Variants in MSX1 observed in about 807,000 individuals in gnomAD.
MSX1 encodes msh homeobox 1, also known as homeobox protein MSX-1.
Under a neutral mutation model 17.0 loss-of-function variants are expected in MSX1, and 11 were observed. That is an observed-to-expected ratio of 0.65 (90% CI 0.41 to 1.07). MSX1 has a LOEUF of 1.07. Among genes scored for constraint, MSX1 ranks in the 50% least tolerant of loss-of-function variants. The probability of loss-of-function intolerance (pLI) is 0.00; values close to 1 mark genes in which losing one functional copy is unlikely to be tolerated. For missense variants in MSX1, 477 were observed against 440.1 expected, an observed-to-expected ratio of 1.08 and a Z score of -0.75; for synonymous variants, 253 against 211.8, an observed-to-expected ratio of 1.19 and a Z score of -1.69.
chr4:4,860,410 G>T (rs1560309650), intron 1 of MSX1, 42 bp downstream of exon 1: 1 of 1,411,728 alleles, frequency 7.1e-7, no homozygotes, highest in Non-Finnish European at 9.2e-7. Flanking sequence ...GGGGCCGGGT[G>T]GGGGCCGGGT....
At chr4:4,862,187 T>C (rs1737931468) in intron 1 of MSX1, among the ~76,000 whole-genome samples, 1 of 152,248 alleles carries the variant, frequency 6.6e-6, no homozygotes, top group Admixed American at 6.5e-5. Flanking sequence ...ATTTGGATTC[T>C]ATGCCACAAA....
chr4:4,861,897 AC>A (rs1315531189), intron 1 of MSX1, among the ~76,000 whole-genome samples: 4 of 1,070 alleles, frequency 3.7e-3, no homozygotes, highest in African/African-American at 0.015. Context: ...AACAACATCA[AC>A]ACACACACAC....
Position 4,859,874 on chromosome 4 carries a change from C to T in MSX1, c.-26C>T. 4 of 1,468,416 alleles carry T rather than the reference C, an allele frequency of 2.7e-6. No individual in the cohort carries two copies. Among genetic ancestry groups the T allele is most frequent in the East Asian group, 3.0e-5 (1 of 33,238 alleles). 91.0% of individuals were successfully genotyped at this position (1,468,416 alleles called of 1,614,324 possible). A position where few individuals can be genotyped will look rare whatever the true frequency, so the allele number is the denominator to read the frequency against. ...CATGCCCGGCGGCTGGCCAGTGCTG[C>T]GGCAGAAGGGGGGGCCCGGCTCTGC... On this transcript the variant is annotated 5_prime_UTR_variant, in exon 1 of 2. Coordinates refer to ENST00000382723, the MANE Select transcript of MSX1 (RefSeq NM_002448.3).
chr4:4,861,286 C>A (rs921587784), intron 1 of MSX1, among the ~76,000 whole-genome samples: 5 of 152,268 alleles, frequency 3.3e-5, no homozygotes, highest in East Asian at 1.9e-4. Context: ...TCTGGGTTGT[C>A]GCCGCTGAAG....
rs758616631 is a variant in MSX1, at chr4:4,860,186, T to G, written c.287T>G (p.Leu96Arg). The G allele has an allele frequency of 9.9e-6, 15 of 1,515,950 alleles. No homozygotes were observed. In the East Asian group the frequency reaches 1.8e-4, roughly 18 times the overall value. The allele number at this position is 1,515,950 out of a possible 1,614,324, so 93.9% of individuals were successfully genotyped here. Residue 96 changes from leucine (L) to arginine (R), a missense_variant, in exon 1 of 2, where the codon CTG becomes CGG. Coordinates refer to ENST00000382723, the MANE Select transcript of MSX1 (RefSeq NM_002448.3). ...VQAAGGSAQP[L>R]GVPPGSLGAP... is the part of the protein sequence containing the mutation. ...GCGGCGGGTGGCTCGGCGCAGCCAC[T>G]GGGCGTCCCGCCGGGGTCGCTGGGA... is the stretch of plus-strand genomic sequence containing the variant.
At chr4:4,860,926 G>A (rs1737903240) in intron 1 of MSX1, among the ~76,000 whole-genome samples, 1 of 152,216 alleles carries the variant, frequency 6.6e-6, no homozygotes, top group Non-Finnish European at 1.5e-5. Flanking sequence ...TCAGGTTCCA[G>A]TGGAGGGGGC....
rs764174177 is a variant in MSX1 at position 4,860,330 on chromosome 4, C to T, written c.431C>T (p.Pro144Leu). 4 of 1,577,772 alleles carry T rather than the reference C, an allele frequency of 2.5e-6. No homozygotes were observed. The highest frequency in any genetic ancestry group is 3.4e-6 in the Non-Finnish European group (4 of 1,159,652). ...AGCCCCGAGAAGCCCGAGAGGACCC[C>T]GTGGATGCAGAGCCCCCGCTTCTCC... The part of the protein sequence containing the change: ...AESPEKPERT[P>L]WMQSPRFSPP... The change falls in exon 1 of 2, where the codon CCG becomes CTG. Residue 144 changes from proline to leucine, a missense_variant. Physicochemically the swap from Pro to Leu is moderately conservative, Grantham distance 98 (BLOSUM62 -3). Coordinates refer to ENST00000382723, the MANE Select transcript of MSX1 (RefSeq NM_002448.3).
chr4:4,862,061 G>A (rs1429012156), intron 1 of MSX1, among the ~76,000 whole-genome samples: 1 of 152,220 alleles, frequency 6.6e-6, no homozygotes, highest in African/African-American at 2.4e-5. Flanking sequence ...CTGTTTCTAA[G>A]AGGGCTGGCC....
chr4:4,861,053 C>A (rs547464997), intron 1 of MSX1, among the ~76,000 whole-genome samples: 25 of 152,400 alleles, frequency 1.6e-4, no homozygotes, highest in African/African-American at 5.3e-4. Context: ...CGCTCCAAGG[C>A]CTCACGGCCC....
Position 4,863,781 on chromosome 4 carries a change from A to C in MSX1, c.*638A>C, listed in dbSNP as rs1418802318. ...CACAATTGTAAAATTAAAAAAAAAA[A>C]AAAACTCTTTCTATTTAACAGTACA... is the stretch of plus-strand genomic sequence containing the variant. On this transcript the variant is annotated 3_prime_UTR_variant, in exon 2 of 2. Transcript: ENST00000382723. 6.6e-6 allele frequency: 1 copy of C among 151,748 alleles called. No individual in the cohort carries two copies. The highest frequency in any genetic ancestry group is 1.5e-5 in the Non-Finnish European group (1 of 67,880). The allele number at this position is 151,748 out of a possible 1,614,324, so 9.4% of individuals were successfully genotyped here.
At position 4,863,319 on chromosome 4, in the gene MSX1, G is replaced by A; in HGVS notation, c.*176G>A. 1.5e-6 allele frequency: 1 copy of A among 656,678 alleles called. No individual in the cohort carries two copies. Among genetic ancestry groups the A allele is most frequent in the East Asian group, 2.8e-5 (1 of 35,696 alleles). The allele number at this position is 656,678 out of a possible 1,614,324, so 40.7% of individuals were successfully genotyped here. On this transcript the variant is annotated 3_prime_UTR_variant, in exon 2 of 2. Coordinates refer to ENST00000382723, the MANE Select transcript of MSX1 (RefSeq NM_002448.3). Reference sequence around the variant, plus strand: ...TCCGAAGTCTGATCCCTGCCAAAAAGTGGCTGGAAGAGTCCCTTAGTACTC... The same window carrying A: ...TCCGAAGTCTGATCCCTGCCAAAAAATGGCTGGAAGAGTCCCTTAGTACTC...
rs1203966276 is a variant in MSX1, at chr4:4,862,903, C to T, written c.672C>T (p.Arg224=). The change falls in exon 2 of 2, where the codon CGC becomes CGT. Residue 224 remains arginine (R), a synonymous_variant. Transcript: ENST00000382723. ...TQVKIWFQNR[R]AKAKRLQEAE... is the part of the protein sequence containing the mutation. ...TGAAGATATGGTTCCAGAACCGCCG[C>T]GCCAAGGCAAAGAGACTACAAGAGG... 1.2e-6 allele frequency: 2 copies of T among 1,613,622 alleles called. No homozygotes were observed. Among genetic ancestry groups the T allele is most frequent in the South Asian group, 2.2e-5 (2 of 91,088 alleles).
chr4:4,860,028 G>T lies in MSX1; in HGVS notation c.129G>T (p.Met43Ile). Residue 43 changes from methionine (M) to isoleucine (I), a missense_variant, in exon 1 of 2, where the codon ATG becomes ATT. Physicochemically the swap from Met to Ile is conservative, Grantham distance 10. Coordinates refer to ENST00000382723, the MANE Select transcript of MSX1 (RefSeq NM_002448.3). ...CCGCCGCGGCCACGGCAGCCGCCAT[G>T]GGCGCGGACGAGGAGGGGGCCAAGC... ...PSAAAATAAA[M>I]GADEEGAKPK... is the part of the protein sequence containing the mutation. The T allele has an allele frequency of 6.6e-7, 1 of 1,505,822 alleles. No individual in the cohort carries two copies. The highest frequency in any genetic ancestry group is 8.9e-7 in the Non-Finnish European group (1 of 1,128,018). 93.3% of individuals were successfully genotyped at this position (1,505,822 alleles called of 1,614,324 possible).
In MSX1 at chr4:4,863,304, G is replaced by A; in HGVS notation, c.*161G>A. 1 of 740,864 alleles carries A rather than the reference G, an allele frequency of 1.3e-6. No homozygotes were observed. Among genetic ancestry groups the A allele is most frequent in the Non-Finnish European group, 2.2e-6 (1 of 453,964 alleles). The allele number at this position is 740,864 out of a possible 1,614,324, so 45.9% of individuals were successfully genotyped here. A position where few individuals can be genotyped will look rare whatever the true frequency, so the allele number is the denominator to read the frequency against. On this transcript the variant is annotated 3_prime_UTR_variant, in exon 2 of 2. Transcript: ENST00000382723. ...TCCCTGAGTTCACTCTCCGAAGTCT[G>A]ATCCCTGCCAAAAAGTGGCTGGAAG...
rs560169358 is a variant in MSX1, at chr4:4,859,842, C to G, written c.-58C>G. The G allele has an allele frequency of 1.5e-3, 2,029 of 1,389,826 alleles. 22 individuals carry two copies. In the African/African-American group the frequency reaches 0.026, roughly 18 times the overall value. The allele number at this position is 1,389,826 out of a possible 1,614,324, so 86.1% of individuals were successfully genotyped here. The stretch of plus-strand genomic sequence containing the variant: ...AGGCCGGCCGCGCTCCCAGCCCGCC[C>G]GGAGCCCATGCCCGGCGGCTGGCCA... On this transcript the variant is annotated 5_prime_UTR_variant, in exon 1 of 2. Coordinates refer to ENST00000382723, the MANE Select transcript of MSX1 (RefSeq NM_002448.3).
Position 4,859,779 on chromosome 4 carries a change from G to C in MSX1, c.-121G>C, listed in dbSNP as rs1225612848. 9.3e-6 allele frequency: 7 copies of C among 749,928 alleles called. No individual in the cohort carries two copies. Among genetic ancestry groups the C allele is most frequent in the Non-Finnish European group, 1.2e-5 (7 of 569,204 alleles). 46.5% of individuals were successfully genotyped at this position (749,928 alleles called of 1,614,324 possible). ...CTGGGGAGGGGCGGGAGGCGCGCGC[G>C]GGAGGGTCCGCCCGGCCAGGGCCCC... On this transcript the variant is annotated 5_prime_UTR_variant, in exon 1 of 2. Transcript: ENST00000382723.
chr4:4,860,223 G>T lies in MSX1; in HGVS notation c.324G>T (p.Ala108=), dbSNP rs574606351. 58 of 1,568,826 alleles carry T rather than the reference G, an allele frequency of 3.7e-5. No individual in the cohort carries two copies. In the African/African-American group the frequency reaches 7.4e-4, roughly 20 times the overall value. The change falls in exon 1 of 2, where the codon GCG becomes GCT. Residue 108 remains alanine (A), a synonymous_variant. Coordinates refer to ENST00000382723, the MANE Select transcript of MSX1 (RefSeq NM_002448.3). ...CGGGGTCGCTGGGAGCCCCGGACGCGCCCTCTTCGCCGCGGCCGCTCGGCC... is the reference window on the plus strand; with the variant it reads ...CGGGGTCGCTGGGAGCCCCGGACGCTCCCTCTTCGCCGCGGCCGCTCGGCC... ...VPPGSLGAPD[A]PSSPRPLGHF...
chr4:4,862,696 C>T lies in MSX1; in HGVS notation c.470-5C>T. On this transcript the variant is annotated splice_region_variant and splice_polypyrimidine_tract_variant and intron_variant, in intron 1 of 1. Coordinates refer to ENST00000382723, the MANE Select transcript of MSX1 (RefSeq NM_002448.3). Reference sequence around the variant, plus strand: ...CCCTTGCTTTTTTTTTCTTTCGGCCCTCAGGGCGGCTGAGCCCCCCAGCCT... The same window carrying T: ...CCCTTGCTTTTTTTTTCTTTCGGCCTTCAGGGCGGCTGAGCCCCCCAGCCT... 6.2e-7 allele frequency: 1 copy of T among 1,611,982 alleles called. No individual in the cohort carries two copies. Among genetic ancestry groups the T allele is most frequent in the Non-Finnish European group, 8.5e-7 (1 of 1,179,970 alleles).
intron 1 of MSX1, among the ~76,000 whole-genome samples, chr4:4,860,581 G>C (rs942666766): frequency 1.3e-5 from 2 of 152,208 alleles, no homozygotes; most frequent in Admixed American, 6.5e-5. Flanking sequence ...GACGCTGCGG[G>C]TGGGAGTTAA....
Sources: allele counts gnomAD v4.1 joint callset (sites outside exome capture counted in the v4.1 genomes callset), GRCh38; gene constraint gnomAD v4.1.1; transcripts MANE v1.5; gene names NCBI Gene and HGNC (gene_info 2026-07-23, HGNC 2026-07-21).